SHROOM3: variants seen among roughly 807,000 people sequenced by gnomAD.
The protein encoded by SHROOM3 is shroom family member 3.
Under a neutral mutation model 138.6 loss-of-function variants are expected in SHROOM3, and 47 were observed. That is an observed-to-expected ratio of 0.34 (90% CI 0.27 to 0.43). SHROOM3 has a LOEUF of 0.43. Among genes scored for constraint, SHROOM3 ranks in the 20% least tolerant of loss-of-function variants. The probability of loss-of-function intolerance (pLI) is 1.00; values close to 1 mark genes in which losing one functional copy is unlikely to be tolerated. For missense variants in SHROOM3, 2,491 were observed against 2,596.5 expected (o/e 0.96, Z 0.88); for synonymous variants, 1,062 against 1,063.3 (o/e 1.00, Z 0.02).
intron 2 of SHROOM3, among the ~76,000 whole-genome samples, chr4:76,565,103 G>A (rs1733693439): frequency 6.8e-6 from 1 of 148,116 alleles, no homozygotes; most frequent in African/African-American, 2.5e-5. Context: ...GGAGGTTGCA[G>A]TGAGCTGAGA....
intron 2 of SHROOM3, among the ~76,000 whole-genome samples, chr4:76,673,838 G>A (rs1718952707): frequency 1.3e-5 from 2 of 152,048 alleles, no homozygotes; most frequent in African/African-American, 2.4e-5. Flanking sequence ...AACAACCCCC[G>A]TGTCCCCACT....
At chr4:76,603,991 T>C (rs937904524) in intron 2 of SHROOM3, among the ~76,000 whole-genome samples, 5 of 151,894 alleles carry the variant, frequency 3.3e-5, no homozygotes, top group Admixed American at 2.6e-4. Context: ...TACAAGCACC[T>C]GCCACCCCAT....
chr4:76,631,203 C>T (rs373155233), intron 2 of SHROOM3, among the ~76,000 whole-genome samples: 73 of 104,160 alleles, frequency 7.0e-4, no homozygotes, highest in East Asian at 1.4e-3. Flanking sequence ...TTTTTTTAAT[C>T]TTTTTTTTTT....
intron 2 of SHROOM3, among the ~76,000 whole-genome samples, chr4:76,571,002 T>G (rs6824297): frequency 0.66 from 100,005 of 152,064 alleles, 33,032 homozygotes; most frequent in Non-Finnish European, 0.67. Context: ...GGACCAATTG[T>G]TATCAGTTTA....
chr4:76,547,684 C>G (rs991845794), intron 1 of SHROOM3, among the ~76,000 whole-genome samples: 2 of 152,118 alleles, frequency 1.3e-5, no homozygotes, highest in African/African-American at 4.8e-5. Flanking sequence ...AATCCTTGCA[C>G]TTTGGGAGGC....
intron 2 of SHROOM3, among the ~76,000 whole-genome samples, chr4:76,681,594 G>GGTGTGTGTGT (rs558707266): frequency 0.044 from 3,598 of 80,994 alleles, 167 homozygotes; most frequent in Non-Finnish European, 0.055. Flanking sequence ...CAGAGTCTAG[G>GGTGTGTGTGT]GTGTGTGTGT....
At chr4:76,462,312 G>A (rs962782356) in intron 1 of SHROOM3, among the ~76,000 whole-genome samples, 4 of 151,982 alleles carry the variant, frequency 2.6e-5, no homozygotes, top group Non-Finnish European at 5.9e-5. Flanking sequence ...GCAGAGGTTG[G>A]AGTGAGCTGA....
rs1721231031 is a variant in SHROOM3, at chr4:76,740,971, C to T, written c.2798C>T (p.Ser933Phe). The T allele has an allele frequency of 6.7e-7, 1 of 1,498,604 alleles. No homozygotes were observed. The allele number at this position is 1,498,604 out of a possible 1,614,324, so 92.8% of individuals were successfully genotyped here. ...CGGAACAGCATCAAGGACGCACAGTCCCGTGTCTTGGGGGCCACCTCCTTT... is the reference window on the plus strand; with the variant it reads ...CGGAACAGCATCAAGGACGCACAGTTCCGTGTCTTGGGGGCCACCTCCTTT... Reference protein sequence around the residue: ...AYRNSIKDAQSRVLGATSFRR... With the variant: ...AYRNSIKDAQFRVLGATSFRR... Residue 933 changes from serine to phenylalanine, a missense_variant, in exon 5 of 11, where the codon TCC (serine) becomes TTC (phenylalanine). This residue lies in a region of SHROOM3 where 1,733 missense variants were observed against 1,661.6 expected (regional missense o/e 1.04). Transcript: ENST00000296043. This position sits in a 1 kb window ranked among gnomAD's most constrained non-coding sequence, Gnocchi z 4.0.
intron 1 of SHROOM3, among the ~76,000 whole-genome samples, chr4:76,509,046 A>G (rs1336122372): frequency 2.6e-5 from 4 of 152,186 alleles, no homozygotes; most frequent in Non-Finnish European, 5.9e-5. Flanking sequence ...ATCACTTCCC[A>G]AAAGACACAC....
chr4:76,717,269 T>G (rs1720401961), intron 3 of SHROOM3, among the ~76,000 whole-genome samples: 1 of 152,214 alleles, frequency 6.6e-6, no homozygotes, highest in Admixed American at 6.5e-5. Flanking sequence ...TCAGGCTGTT[T>G]GGCTTTATCT....
intron 3 of SHROOM3, among the ~76,000 whole-genome samples, chr4:76,719,925 A>C (rs1720484959): frequency 6.6e-6 from 1 of 152,194 alleles, no homozygotes; most frequent in Non-Finnish European, 1.5e-5. Context: ...ATGACTGCAC[A>C]TTAGCAGACT....
intron 9 of SHROOM3, among the ~76,000 whole-genome samples, chr4:76,767,303 C>A (rs1413605525): frequency 6.6e-6 from 1 of 152,182 alleles, no homozygotes; most frequent in Non-Finnish European, 1.5e-5. Context: ...TCTCATCACT[C>A]ACCACCACAT....
At chr4:76,594,345 G>A (rs1177923919) in intron 2 of SHROOM3, among the ~76,000 whole-genome samples, 3 of 152,196 alleles carry the variant, frequency 2.0e-5, no homozygotes, top group African/African-American at 7.2e-5. Context: ...TGATACCAGT[G>A]CCTAGTGTAG....
At position 76,755,039 on chromosome 4, in the gene SHROOM3, C is replaced by T; in HGVS notation, c.4556C>T (p.Ser1519Phe). ...AGGGATCCGCACCCCAAGGCCACGT[C>T]CAGCCCCACATTTGAACCTCTTCCC... ...FVRDPHPKAT[S>F]SPTFEPLPPP... Residue 1519 changes from serine (S) to phenylalanine (F), a missense_variant, in exon 7 of 11, where the codon TCC (serine) becomes TTC (phenylalanine). Coordinates refer to ENST00000296043, the MANE Select transcript of SHROOM3 (RefSeq NM_020859.4). The T allele has an allele frequency of 1.2e-6, 2 of 1,603,960 alleles. No individual in the cohort carries two copies. The highest frequency in any genetic ancestry group is 1.7e-6 in the Non-Finnish European group (2 of 1,173,010).
At chr4:76,482,536 G>T (rs1030087443) in intron 1 of SHROOM3, among the ~76,000 whole-genome samples, 5 of 152,172 alleles carry the variant, frequency 3.3e-5, no homozygotes, top group Non-Finnish European at 5.9e-5. Flanking sequence ...CATGTTCATG[G>T]ATAGGAAGAA....
chr4:76,440,360 A>C (rs961435182), intron 1 of SHROOM3, among the ~76,000 whole-genome samples: 8 of 152,220 alleles, frequency 5.3e-5, no homozygotes, highest in Non-Finnish European at 1.2e-4. Context: ...TTCTGGTTCC[A>C]GAGTCCATGC....
At chr4:76,534,378 C>T (rs541953121) in intron 1 of SHROOM3, among the ~76,000 whole-genome samples, 3 of 152,284 alleles carry the variant, frequency 2.0e-5, no homozygotes, top group South Asian at 4.2e-4. Context: ...TCACAGCCTA[C>T]TATGTGGCGG....
chr4:76,753,660 C>T (rs1029342636), intron 6 of SHROOM3, among the ~76,000 whole-genome samples: 2 of 152,180 alleles, frequency 1.3e-5, no homozygotes, highest in Non-Finnish European at 2.9e-5. Flanking sequence ...CGGAGTCTAG[C>T]GTACAGTTGT....
Position 76,612,061 on chromosome 4 carries a change from A to G in SHROOM3, c.323+56298A>G, listed in dbSNP as rs1279259118. Among the ~76,000 whole-genome samples the G allele has an allele frequency of 2.6e-5, 4 of 152,222 alleles. No individual in the cohort carries two copies. The East Asian group carries it at 7.7e-4, about 29-fold the overall frequency. The stretch of plus-strand genomic sequence containing the variant: ...CCCCTGCTTGCCTCTGCCTCCTCTC[A>G]TTGTTGTAAAACCCAAGTGTTTCTA... On this transcript the variant is annotated intron_variant, in intron 2 of 10. Coordinates refer to ENST00000296043, the MANE Select transcript of SHROOM3 (RefSeq NM_020859.4).
Sources: allele counts gnomAD v4.1 joint callset (sites outside exome capture counted in the v4.1 genomes callset), GRCh38; gene constraint gnomAD v4.1.1; regional missense constraint gnomAD v4.1.1; non-coding constraint Gnocchi (gnomAD v3.1); transcripts MANE v1.5; gene names NCBI Gene and HGNC (gene_info 2026-07-23, HGNC 2026-07-21).